NFIC: variants seen among roughly 807,000 people sequenced by gnomAD.
The protein encoded by NFIC is nuclear factor 1 C-type.
A neutral mutation model predicts 54.4 loss-of-function variants in NFIC; 12 were observed. The ratio of observed to expected loss-of-function variants is 0.22; its 90% CI spans 0.14 to 0.36. NFIC has a LOEUF of 0.36. NFIC is among the 10% of genes least tolerant of loss of function. The probability of loss-of-function intolerance (pLI) is 1.00; values close to 1 mark genes in which losing one functional copy is unlikely to be tolerated. For missense variants in NFIC, 575 were observed against 718.2 expected (o/e 0.80, Z 2.28); for synonymous variants, 322 against 319.2 (o/e 1.01, Z -0.09).
chr19:3,449,637 G>A (rs1195645772), intron 7 of NFIC, among the ~76,000 whole-genome samples: 1 of 151,714 alleles, frequency 6.6e-6, no homozygotes, highest in Non-Finnish European at 1.5e-5. Context: ...GCACGCACCT[G>A]TAGTCCCAGC....
At chr19:3,420,556 A>AAAATAAAAAAATAAATAAAT (rs1555751894) in intron 2 of NFIC, among the ~76,000 whole-genome samples, 5 of 142,680 alleles carry the variant, frequency 3.5e-5, no homozygotes, top group Non-Finnish European at 6.0e-5. Context: ...CCATCTCAAA[A>AAAATAAAAAAATAAATAAAT]AAATAAATAA....
At chr19:3,379,196 A>C (rs1210705430) in intron 1 of NFIC, among the ~76,000 whole-genome samples, 1 of 151,862 alleles carries the variant, frequency 6.6e-6, no homozygotes, top group African/African-American at 2.4e-5. Flanking sequence ...AGTAGCTGGG[A>C]TTACAGTCAT....
intron 5 of NFIC, 150 bp from the exon 6 acceptor site, chr19:3,434,933 G>T: frequency 1.9e-6 from 2 of 1,073,570 alleles, no homozygotes; most frequent in Non-Finnish European, 2.6e-6. Context: ...CGTAGGGAAC[G>T]GGCTGAACGC....
In NFIC at chr19:3,464,291, G is replaced by A; in HGVS notation, c.*1522G>A. ...GGGGAGGGTTTTCGGGGGGTTCGGC[G>A]TCGCACCTTGGGGCCCCCCGCAGCC... On this transcript the variant is annotated 3_prime_UTR_variant, in exon 11 of 11. Transcript: ENST00000443272. 2 of 985,292 alleles carry A rather than the reference G, an allele frequency of 2.0e-6. No individual in the cohort carries two copies. Among genetic ancestry groups the A allele is most frequent in the Non-Finnish European group, 2.4e-6 (2 of 829,914 alleles). The allele number at this position is 985,292 out of a possible 1,614,324, so 61.0% of individuals were successfully genotyped here.
chr19:3,383,592 C>T (rs181009967), intron 2 of NFIC, among the ~76,000 whole-genome samples: 17 of 152,302 alleles, frequency 1.1e-4, no homozygotes, highest in African/African-American at 3.4e-4. Context: ...CGTGTAGCCA[C>T]GTGCGAGGTG....
At chr19:3,445,884 C>T (rs2082366769) in intron 6 of NFIC, among the ~76,000 whole-genome samples, 1 of 152,166 alleles carries the variant, frequency 6.6e-6, no homozygotes, top group Non-Finnish European at 1.5e-5. Context: ...ACATCCTCAC[C>T]GTTTCTCATC....
At chr19:3,407,723 C>T (rs1003367844) in intron 2 of NFIC, among the ~76,000 whole-genome samples, 1 of 152,160 alleles carries the variant, frequency 6.6e-6, no homozygotes, top group Non-Finnish European at 1.5e-5. Flanking sequence ...CGTGAGCCAC[C>T]GCGCCCGGGT....
At chr19:3,387,752 G>A (rs1479971755) in intron 2 of NFIC, among the ~76,000 whole-genome samples, 1 of 151,918 alleles carries the variant, frequency 6.6e-6, no homozygotes, top group Non-Finnish European at 1.5e-5. Context: ...TGTTCAGGGG[G>A]TAGTGAGTGG....
intron 3 of NFIC, among the ~76,000 whole-genome samples, chr19:3,430,581 C>T (rs1246411677): frequency 6.6e-6 from 1 of 152,080 alleles, no homozygotes; most frequent in Non-Finnish European, 1.5e-5. Context: ...AGCCACCACT[C>T]CCTGTCTCCT....
At chr19:3,418,372 C>T (rs2345367) in intron 2 of NFIC, among the ~76,000 whole-genome samples, 137,773 of 152,178 alleles carry the variant, frequency 0.91, 62,450 homozygotes, top group Non-Finnish European at 0.93. Context: ...ACCGAGATTA[C>T]AGGCATGTGC....
rs1373326731 is a variant in NFIC at position 3,375,918 on chromosome 19, T to C, written c.31-5794T>C. Among the ~76,000 whole-genome samples the C allele has an allele frequency of 6.6e-6, 1 of 152,050 alleles. No homozygotes were observed. Among genetic ancestry groups the C allele is most frequent in the African/African-American group, 2.4e-5 (1 of 41,404 alleles). On this transcript the variant is annotated intron_variant, in intron 1 of 10. Coordinates refer to ENST00000443272, the MANE Select transcript of NFIC (RefSeq NM_001245002.2). This position sits in a 1 kb window ranked among gnomAD's most constrained non-coding sequence, Gnocchi z 4.6. ...CAGGGTCAACGTCTCCCTACCTTCC[T>C]GAGACCCCAATCTTACAGAGAACAG...
chr19:3,444,439 C>T lies in NFIC; in HGVS notation c.959-4575C>T, dbSNP rs61469533. ...GAGATGGGCGGGGGACGCACATGCC[C>T]GCTGGCTGAACAGGGAGGTCCCACA... On this transcript the variant is annotated intron_variant, in intron 6 of 10. Coordinates refer to ENST00000443272, the MANE Select transcript of NFIC (RefSeq NM_001245002.2). Among the ~76,000 whole-genome samples the T allele has an allele frequency of 2.8e-4, 42 of 152,346 alleles. 2 individuals carry two copies. In the East Asian group the frequency reaches 8.1e-3, roughly 29 times the overall value.
intron 2 of NFIC, 77 bp downstream of exon 2, chr19:3,382,320 G>C: frequency 6.5e-7 from 1 of 1,541,000 alleles, no homozygotes; most frequent in South Asian, 1.2e-5. Context: ...AGGAGGGCCT[G>C]AGGGAGGAGG....
chr19:3,457,422 C>A (rs1209876260), intron 10 of NFIC, among the ~76,000 whole-genome samples: 1 of 151,906 alleles, frequency 6.6e-6, no homozygotes, highest in Non-Finnish European at 1.5e-5. Flanking sequence ...GCAGCCTTAG[C>A]CCCAGGCCCA....
Position 3,464,359 on chromosome 19 carries a change from C to T in NFIC, c.*1590C>T, listed in dbSNP as rs1303074406. ...TCTGCTAAGCGTTTTTCCGTTGAGCCGCTCCAAAAACACTAAGCTGGGGAC... is the reference window on the plus strand; with the variant it reads ...TCTGCTAAGCGTTTTTCCGTTGAGCTGCTCCAAAAACACTAAGCTGGGGAC... On this transcript the variant is annotated 3_prime_UTR_variant, in exon 11 of 11. Coordinates refer to ENST00000443272, the MANE Select transcript of NFIC (RefSeq NM_001245002.2). The T allele has an allele frequency of 1.0e-6, 1 of 985,112 alleles. No homozygotes were observed. The highest frequency in any genetic ancestry group is 4.7e-5 in the South Asian group (1 of 21,282). The allele number at this position is 985,112 out of a possible 1,614,324, so 61.0% of individuals were successfully genotyped here.
At chr19:3,433,442 T>A in intron 3 of NFIC, 76 bp from the exon 4 acceptor site, 1 of 1,507,554 alleles carries the variant, frequency 6.6e-7, no homozygotes. Flanking sequence ...CCCCCAGGAG[T>A]CCAGGCAGCC....
At chr19:3,404,881 G>A (rs1599626881) in intron 2 of NFIC, among the ~76,000 whole-genome samples, 1 of 152,224 alleles carries the variant, frequency 6.6e-6, no homozygotes, top group Non-Finnish European at 1.5e-5. Flanking sequence ...GAGTGACACC[G>A]GGGTCCCCAG....
At position 3,463,046 on chromosome 19, in the gene NFIC, C is replaced by A; in HGVS notation, c.*277C>A. The A allele has an allele frequency of 7.5e-7, 1 of 1,341,804 alleles. No homozygotes were observed. The highest frequency in any genetic ancestry group is 1.8e-5 in the South Asian group (1 of 55,194). 83.1% of individuals were successfully genotyped at this position (1,341,804 alleles called of 1,614,324 possible). ...GTTTCCAACTCTCGGGACGCCAAGGCCGCAGGACTGGAGGGCCAGGCCCCG... is the reference window on the plus strand; with the variant it reads ...GTTTCCAACTCTCGGGACGCCAAGGACGCAGGACTGGAGGGCCAGGCCCCG... On this transcript the variant is annotated 3_prime_UTR_variant, in exon 11 of 11. Coordinates refer to ENST00000443272, the MANE Select transcript of NFIC (RefSeq NM_001245002.2).
intron 2 of NFIC, among the ~76,000 whole-genome samples, chr19:3,422,975 T>C (rs1365306136): frequency 6.6e-6 from 1 of 151,738 alleles, no homozygotes; most frequent in Non-Finnish European, 1.5e-5. Flanking sequence ...GGCGGGCGGA[T>C]CACCTGAGGT....
Sources: gnomAD v4.1 joint callset for allele counts (sites outside exome capture counted in the v4.1 genomes callset) on GRCh38, gnomAD v4.1.1 for gene constraint, Gnocchi (gnomAD v3.1) non-coding constraint, MANE v1.5 for transcripts, NCBI Gene and HGNC (gene_info 2026-07-23, HGNC 2026-07-21) for gene names.